Variants in DSTN observed in about 807,000 individuals in gnomAD.
DSTN encodes destrin, actin depolymerizing factor.
A neutral mutation model predicts 16.8 loss-of-function variants in DSTN; 10 were observed. The observed-to-expected ratio is 0.60, with a 90% CI of 0.37 to 1.01. The LOEUF is 1.01. Ranked by LOEUF, DSTN falls within the 50% of genes least tolerant of loss-of-function variation. DSTN has a pLI of 0.01. For synonymous variants in DSTN, 57 were observed against 58.9 expected, an observed-to-expected ratio of 0.97 and a Z score of 0.14; for missense variants, 141 against 196.7, an observed-to-expected ratio of 0.72 and a Z score of 1.69.
At chr20:17,576,955 T>A (rs73898337) in intron 1 of DSTN, among the ~76,000 whole-genome samples, 3,442 of 152,296 alleles carry the variant, frequency 0.023, 115 homozygotes, top group African/African-American at 0.078. Flanking sequence ...CAAAATTCTC[T>A]AAAATCCCAA....
intron 1 of DSTN, among the ~76,000 whole-genome samples, chr20:17,589,996 G>A (rs959693168): frequency 6.6e-6 from 1 of 152,176 alleles, no homozygotes; most frequent in Admixed American, 6.5e-5. Context: ...GCCAAGGTCA[G>A]GTGTCTGTCT....
chr20:17,589,550 T>C (rs1452416406), intron 1 of DSTN, among the ~76,000 whole-genome samples: 2 of 152,232 alleles, frequency 1.3e-5, no homozygotes, highest in Admixed American at 6.5e-5. Context: ...TGAACACTTC[T>C]GTGAAGCAGA....
rs139037825 is a variant in DSTN at position 17,605,678 on chromosome 20, C to T, written c.388+1047C>T. On this transcript the variant is annotated intron_variant, in intron 3 of 3. Coordinates refer to ENST00000246069, the MANE Select transcript of DSTN (RefSeq NM_006870.4). ...TGTGTCACTGGGTTGCTAACTGACA[C>T]TTTTAAATCCTTTAGCTTCAACACT... Among the ~76,000 whole-genome samples, 44 of 152,316 alleles carry T rather than the reference C, an allele frequency of 2.9e-4. 1 individual carries two copies. Among genetic ancestry groups the T allele is most frequent in the African/African-American group, 1.0e-3 (42 of 41,560 alleles).
At chr20:17,574,108 G>A (rs991251351) in intron 1 of DSTN, among the ~76,000 whole-genome samples, 1 of 152,180 alleles carries the variant, frequency 6.6e-6, no homozygotes. Flanking sequence ...GGGGACTGAG[G>A]TGGGAGTATT....
intron 1 of DSTN, among the ~76,000 whole-genome samples, chr20:17,577,902 A>G (rs1422178471): frequency 1.3e-5 from 2 of 152,228 alleles, no homozygotes; most frequent in African/African-American, 2.4e-5. Flanking sequence ...CCTACTTACA[A>G]GTTTTCCAGT....
rs375280645 is a variant in DSTN at position 17,607,610 on chromosome 20, C to T, written c.*464C>T. The T allele has an allele frequency of 6.5e-6, 1 of 153,144 alleles. No homozygotes were observed. Among genetic ancestry groups the T allele is most frequent in the East Asian group, 1.9e-4 (1 of 5,214 alleles). The allele number at this position is 153,144 out of a possible 1,614,324, so 9.5% of individuals were successfully genotyped here. On this transcript the variant is annotated 3_prime_UTR_variant, in exon 4 of 4. Transcript: ENST00000246069. ...TCTTCATAATATAACAACACTAATA[C>T]ACTAATAGTAAGATTAAGTTAGGCA...
At chr20:17,594,795 A>G (rs2035507865) in intron 1 of DSTN, among the ~76,000 whole-genome samples, 1 of 152,242 alleles carries the variant, frequency 6.6e-6, no homozygotes, top group African/African-American at 2.4e-5. Flanking sequence ...AGAAAGATGA[A>G]AATCCAAAGA....
intron 1 of DSTN, among the ~76,000 whole-genome samples, chr20:17,590,169 T>C (rs946786522): frequency 5.2e-5 from 8 of 152,386 alleles, no homozygotes; most frequent in Admixed American, 2.6e-4. Flanking sequence ...ACTATCCTTA[T>C]GCTAGAATTG....
intron 1 of DSTN, among the ~76,000 whole-genome samples, chr20:17,574,870 G>GT (rs533880691): frequency 0.024 from 1,981 of 81,024 alleles, 254 homozygotes; most frequent in African/African-American, 0.076. Context: ...CTTTTCTTTT[G>GT]TTTTTTTTTT....
chr20:17,588,528 T>A (rs2035435199), intron 1 of DSTN, among the ~76,000 whole-genome samples: 1 of 152,200 alleles, frequency 6.6e-6, no homozygotes, highest in African/African-American at 2.4e-5. Context: ...ACGCCTGTAA[T>A]CCCAGCACTT....
chr20:17,579,447 G>A (rs1313582255), intron 1 of DSTN, among the ~76,000 whole-genome samples: 1 of 152,138 alleles, frequency 6.6e-6, no homozygotes, highest in Non-Finnish European at 1.5e-5. Context: ...GCTAGGTGTG[G>A]CAGCGCATGC....
chr20:17,600,413 T>G (rs1245657826), intron 1 of DSTN, among the ~76,000 whole-genome samples: 1 of 152,188 alleles, frequency 6.6e-6, no homozygotes, highest in Non-Finnish European at 1.5e-5. Context: ...CTGCCTGTAG[T>G]CAAGGCTCTA....
chr20:17,596,604 C>T, intron 1 of DSTN: 2 of 985,142 alleles, frequency 2.0e-6, no homozygotes, highest in Non-Finnish European at 2.4e-6. Flanking sequence ...GAGCTTTCTT[C>T]TCTGAATATT....
At chr20:17,574,427 A>G (rs1470368528) in intron 1 of DSTN, among the ~76,000 whole-genome samples, 1 of 152,080 alleles carries the variant, frequency 6.6e-6, no homozygotes, top group African/African-American at 2.4e-5. Flanking sequence ...GGCTGTGGAG[A>G]TTAATGTCCT....
chr20:17,606,930 C>T (rs902257400), intron 3 of DSTN, 107 bp from the exon 4 acceptor site: 90 of 962,224 alleles, frequency 9.4e-5, no homozygotes, highest in Non-Finnish European at 1.2e-4. Flanking sequence ...TTGTATATAC[C>T]CCAGTTTATC....
chr20:17,601,179 C>A, intron 2 of DSTN, 134 bp downstream of exon 2: 1 of 1,130,146 alleles, frequency 8.8e-7, no homozygotes, highest in Middle Eastern at 2.3e-4. Context: ...TTACAGGTTT[C>A]ATAATGTTAC....
chr20:17,596,205 T>C (rs955677443), intron 1 of DSTN, among the ~76,000 whole-genome samples: 48 of 152,342 alleles, frequency 3.2e-4, no homozygotes, highest in African/African-American at 1.0e-3. Context: ...ATTACCTCTT[T>C]TTAGTGTCCT....
intron 1 of DSTN, 87 bp from the exon 2 acceptor site, chr20:17,600,651 T>C (rs1028909189): frequency 4.4e-6 from 6 of 1,376,240 alleles, no homozygotes; most frequent in Non-Finnish European, 4.8e-6. Flanking sequence ...ATGTTAAATA[T>C]ATGCCAATCT....
At chr20:17,606,080 C>G (rs2035639810) in intron 3 of DSTN, among the ~76,000 whole-genome samples, 1 of 151,672 alleles carries the variant, frequency 6.6e-6, no homozygotes, top group Non-Finnish European at 1.5e-5. Flanking sequence ...TGCACTCCAG[C>G]CAGGGCAATA....
Sources: gnomAD v4.1 joint callset for allele counts (sites outside exome capture counted in the v4.1 genomes callset) on GRCh38, gnomAD v4.1.1 for gene constraint, MANE v1.5 for transcripts, NCBI Gene and HGNC (gene_info 2026-07-23, HGNC 2026-07-21) for gene names.